ANO2: variants seen among roughly 807,000 people sequenced by gnomAD.
ANO2 encodes anoctamin 2, also known as anoctamin-2.
In ANO2, 101 loss-of-function variants were observed where a neutral mutation model predicts 124.2. That is an observed-to-expected ratio of 0.81 (90% confidence interval 0.69 to 0.96). The LOEUF (loss-of-function observed/expected upper bound fraction) is 0.96. Among genes scored for constraint, ANO2 ranks in the 40% least tolerant of loss-of-function variants. The pLI, the probability that ANO2 is intolerant of heterozygous loss-of-function variation, is 0.00. For missense variants in ANO2, 1,293 were observed against 1,274.5 expected (o/e 1.01, Z -0.22); for synonymous variants, 486 against 482.5 (o/e 1.01, Z -0.09).
chr12:5,688,346 C>A (rs1948789317), intron 14 of ANO2, among the ~76,000 whole-genome samples: 1 of 152,236 alleles, frequency 6.6e-6, no homozygotes, highest in South Asian at 2.1e-4. Context: ...GAGGCCGAAG[C>A]AAGGACAACC....
rs1383205917 is a variant in ANO2 at position 5,922,705 on chromosome 12, G to C, written c.122C>G (p.Pro41Arg). Residue 41 changes from proline to arginine, a missense_variant, in exon 2 of 25, where the codon CCA (proline) becomes CGA (arginine). Physicochemically the swap from Pro to Arg is moderately radical, Grantham distance 103 (BLOSUM62 -2). Coordinates refer to ENST00000682330, the MANE Select transcript of ANO2 (RefSeq NM_001364791.2). ...CTGCAGACCTGGGGCCCGGGGACCT[G>C]GCATCTTGAGACACTGCTGTCCATG... ...PKHGQQCLKM[P>R]GPRAPGLQGG... 4 of 1,595,550 alleles carry C rather than the reference G, an allele frequency of 2.5e-6. No individual in the cohort carries two copies. The highest frequency in any genetic ancestry group is 1.3e-5 in the African/African-American group (1 of 74,722).
At chr12:5,903,481 T>C (rs562490285) in intron 3 of ANO2, among the ~76,000 whole-genome samples, 1 of 152,242 alleles carries the variant, frequency 6.6e-6, no homozygotes, top group African/African-American at 2.4e-5. Flanking sequence ...TGAAGTATCA[T>C]ATAATTTCCC....
chr12:5,739,271 A>G (rs912809585), intron 13 of ANO2, 46 bp downstream of exon 13: 2 of 1,511,772 alleles, frequency 1.3e-6, no homozygotes, highest in Non-Finnish European at 1.8e-6. Flanking sequence ...GTCAAAACAA[A>G]GCAAAAGCCC....
intron 9 of ANO2, among the ~76,000 whole-genome samples, chr12:5,801,833 A>G (rs1270048611): frequency 2.0e-5 from 3 of 152,130 alleles, no homozygotes; most frequent in Admixed American, 1.3e-4. Context: ...TTATTAGTAC[A>G]TCTCCTCCTC....
chr12:5,607,635 TG>T lies in ANO2; in HGVS notation c.2087+5020del, dbSNP rs1166578845. On this transcript the variant is annotated intron_variant, in intron 19 of 24. Coordinates refer to ENST00000682330, the MANE Select transcript of ANO2 (RefSeq NM_001364791.2). Reference sequence around the variant, plus strand: ...GCAGGTGAGTGAGTGAAGCTTCATCTGTATTTATAGCCACTCTCCATCCTCA... The same window carrying T: ...GCAGGTGAGTGAGTGAAGCTTCATCTTATTTATAGCCACTCTCCATCCTCA... 7.2e-5 allele frequency among the ~76,000 whole-genome samples: 11 copies of T among 152,152 alleles called. 1 individual carries two copies. The highest frequency in any genetic ancestry group is 7.2e-4 in the Admixed American group (11 of 15,282).
chr12:5,908,254 T>G lies in ANO2; in HGVS notation c.534+12786A>C, dbSNP rs1176289978. 1.3e-5 allele frequency among the ~76,000 whole-genome samples: 2 copies of G among 152,220 alleles called. No individual in the cohort carries two copies. The highest frequency in any genetic ancestry group is 1.3e-4 in the Admixed American group (2 of 15,288). The stretch of plus-strand genomic sequence containing the variant: ...GTCCTCTCTGAGGCCTGAGAAGCCT[T>G]CACCCTCCAACGGCCTGTGGATGAG... On this transcript the variant is annotated intron_variant, in intron 3 of 24. Transcript: ENST00000682330. The surrounding 1 kb of genome is among the most constrained non-coding windows in gnomAD (Gnocchi z 4.7).
Position 5,931,345 on chromosome 12 carries a change from G to A in ANO2, c.23-8541C>T, listed in dbSNP as rs199547907. On this transcript the variant is annotated intron_variant, in intron 1 of 24. Coordinates refer to ENST00000682330, the MANE Select transcript of ANO2 (RefSeq NM_001364791.2). ...GGAGGTTGGGGTGGGGATGATATAC[G>A]TGCAGTATTTCACATCTCTGTTCAT... 5.7e-4 allele frequency among the ~76,000 whole-genome samples: 87 copies of A among 152,162 alleles called. No individual in the cohort carries two copies. The East Asian group carries it at 7.9e-3, about 14-fold the overall frequency.
intron 1 of ANO2, among the ~76,000 whole-genome samples, chr12:5,944,553 A>G (rs545967662): frequency 6.6e-6 from 1 of 152,326 alleles, no homozygotes; most frequent in African/African-American, 2.4e-5. Context: ...CCTGCCCAAA[A>G]GCAATAAAAT....
At chr12:5,656,205 C>T (rs1294300838) in intron 14 of ANO2, among the ~76,000 whole-genome samples, 1 of 152,176 alleles carries the variant, frequency 6.6e-6, no homozygotes, top group African/African-American at 2.4e-5. Flanking sequence ...CTAAAAGTGA[C>T]CACCCACCTG....
At chr12:5,876,823 T>C (rs1409571593) in intron 3 of ANO2, among the ~76,000 whole-genome samples, 1 of 152,048 alleles carries the variant, frequency 6.6e-6, no homozygotes, top group Non-Finnish European at 1.5e-5. Flanking sequence ...CTCTGGGACC[T>C]GTCAGGGGTA....
rs1052883114 is a variant in ANO2 at position 5,563,679 on chromosome 12, C to T, written c.2728-111G>A. 1.0e-5 allele frequency: 14 copies of T among 1,366,422 alleles called. No individual in the cohort carries two copies. In the African/African-American group the frequency reaches 2.0e-4, roughly 20 times the overall value. 84.6% of individuals were successfully genotyped at this position (1,366,422 alleles called of 1,614,324 possible). ...AATCCTGGCTTTGCAACTTACCAGC[C>T]CAGTGATCGCAACCAGTGAGCATAA... On this transcript the variant is annotated intron_variant, in intron 24 of 24. Transcript: ENST00000682330.
intron 14 of ANO2, among the ~76,000 whole-genome samples, chr12:5,661,195 T>C (rs578075421): frequency 4.2e-4 from 64 of 152,296 alleles, no homozygotes; most frequent in African/African-American, 1.5e-3. Context: ...TCAGCTCCTC[T>C]GCCTAGTGCT....
chr12:5,921,170 G>A lies in ANO2; in HGVS notation c.404C>T (p.Pro135Leu). 1 of 1,613,946 alleles carries A rather than the reference G, an allele frequency of 6.2e-7. No individual in the cohort carries two copies. Among genetic ancestry groups the A allele is most frequent in the East Asian group, 2.2e-5 (1 of 44,866 alleles). ...IVSNGETGKE[P>L]HAGGPGDIEL... The stretch of plus-strand genomic sequence containing the variant: ...AATGTCACCTGGGCCCCCAGCATGA[G>A]GCTCCTTGCCTGTCTCCCCATTGGA... Residue 135 changes from proline to leucine, a missense_variant, in exon 3 of 25, where the codon CCT becomes CTT. Transcript: ENST00000682330.
At chr12:5,893,662 C>T (rs1334286685) in intron 3 of ANO2, among the ~76,000 whole-genome samples, 1 of 151,714 alleles carries the variant, frequency 6.6e-6, no homozygotes, top group African/African-American at 2.4e-5. Context: ...CACAACAGGC[C>T]CCAGTGTGTG....
intron 19 of ANO2, among the ~76,000 whole-genome samples, chr12:5,610,577 T>TTATATTTATATTTATAAA (rs1246969444): frequency 2.8e-5 from 4 of 142,630 alleles, no homozygotes; most frequent in Admixed American, 7.2e-5. Flanking sequence ...ACAAATATAT[T>TTATATTTATATTTATAAA]TATATTTATA....
intron 12 of ANO2, chr12:5,740,010 T>C (rs1055000431): frequency 6.6e-6 from 3 of 455,530 alleles, no homozygotes; most frequent in Non-Finnish European, 4.4e-6. Flanking sequence ...TAGCAAATAG[T>C]TGTAGAATGC....
chr12:5,733,330 A>C, intron 13 of ANO2: 1 of 258,728 alleles, frequency 3.9e-6, no homozygotes. Context: ...CACCTAACTA[A>C]TCCAGAGGAC....
chr12:5,713,281 T>C (rs1272341881), intron 14 of ANO2, among the ~76,000 whole-genome samples: 2 of 152,254 alleles, frequency 1.3e-5, no homozygotes, highest in Non-Finnish European at 2.9e-5. Context: ...GTTTCTGGTG[T>C]AGACAACTGG....
intron 14 of ANO2, among the ~76,000 whole-genome samples, chr12:5,697,629 C>T (rs1470601471): frequency 6.6e-6 from 1 of 152,100 alleles, no homozygotes; most frequent in African/African-American, 2.4e-5. Context: ...GTGCAGCGCA[C>T]CAAGCATGAG....
Sources: gnomAD v4.1 joint callset for allele counts (sites outside exome capture counted in the v4.1 genomes callset) on GRCh38, gnomAD v4.1.1 for gene constraint, Gnocchi (gnomAD v3.1) non-coding constraint, MANE v1.5 for transcripts, NCBI Gene and HGNC (gene_info 2026-07-23, HGNC 2026-07-21) for gene names.